Variants in STPG2 observed in about 807,000 individuals in gnomAD.
The protein encoded by STPG2 is sperm-tail PG-rich repeat-containing protein 2.
Under a neutral mutation model 54.2 loss-of-function variants are expected in STPG2, and 56 were observed. The observed-to-expected ratio is 1.03, with a 90% CI of 0.83 to 1.29. The LOEUF (loss-of-function observed/expected upper bound fraction) is 1.29. Ranked by LOEUF, STPG2 falls within the 50% of genes most tolerant of loss-of-function variation. The probability of loss-of-function intolerance (pLI) is 0.00; values close to 1 mark genes in which losing one functional copy is unlikely to be tolerated. For synonymous variants in STPG2, 200 were observed against 181.8 expected, an observed-to-expected ratio of 1.10 and a Z score of -0.81; for missense variants, 596 against 544.9, an observed-to-expected ratio of 1.09 and a Z score of -0.93.
At chr4:97,740,678 G>T (rs1043526623) in intron 9 of STPG2, among the ~76,000 whole-genome samples, 3 of 152,046 alleles carry the variant, frequency 2.0e-5, no homozygotes, top group Non-Finnish European at 4.4e-5. Context: ...CCTCTTCAAG[G>T]AGAACTACAA....
At chr4:97,625,144 T>C (rs1168799367) in intron 10 of STPG2, among the ~76,000 whole-genome samples, 1 of 152,210 alleles carries the variant, frequency 6.6e-6, no homozygotes, top group African/African-American at 2.4e-5. Context: ...GTCTGAGATA[T>C]TTTGTAATGG....
At chr4:97,906,729 T>G in intron 8 of STPG2, among the ~76,000 whole-genome samples, 1 of 151,886 alleles carries the variant, frequency 6.6e-6, no homozygotes, top group South Asian at 2.1e-4. Context: ...AATCAATAAA[T>G]GTAATCCAGC....
chr4:97,880,019 T>C (rs561790521), intron 8 of STPG2, among the ~76,000 whole-genome samples: 9 of 152,322 alleles, frequency 5.9e-5, no homozygotes, highest in Non-Finnish European at 1.0e-4. Context: ...TGCAGCATTA[T>C]TCACAATAGC....
intron 10 of STPG2, among the ~76,000 whole-genome samples, chr4:97,583,773 G>A (rs1426743727): frequency 1.3e-5 from 2 of 151,824 alleles, no homozygotes; most frequent in South Asian, 2.1e-4. Flanking sequence ...TGTTAAAAAA[G>A]ACACAGAGAA....
intron 8 of STPG2, among the ~76,000 whole-genome samples, chr4:97,909,487 CCTAACAAGGAAATTA>C: frequency 6.6e-6 from 1 of 152,054 alleles, no homozygotes; most frequent in South Asian, 2.1e-4. Context: ...GACATCAAAC[CCTAACAAGGAAATTA>C]CTAAAAAGGA....
chr4:97,880,639 T>C (rs1460855373), intron 8 of STPG2, among the ~76,000 whole-genome samples: 1 of 152,084 alleles, frequency 6.6e-6, no homozygotes, highest in Non-Finnish European at 1.5e-5. Context: ...ATATATGAGG[T>C]AGATAAAGAC....
intron 10 of STPG2, among the ~76,000 whole-genome samples, chr4:97,620,185 G>T (rs1211134923): frequency 6.6e-6 from 1 of 152,108 alleles, no homozygotes; most frequent in Non-Finnish European, 1.5e-5. Flanking sequence ...CTTCTTAAAG[G>T]TAGGTTCCGA....
intron 4 of STPG2, among the ~76,000 whole-genome samples, chr4:98,108,775 A>G (rs1739258817): frequency 6.6e-6 from 1 of 152,140 alleles, no homozygotes; most frequent in Non-Finnish European, 1.5e-5. Context: ...GATAAAATAG[A>G]TGTAACAATA....
rs111329325 is a variant in STPG2 at position 97,661,147 on chromosome 4, A to C, written c.1320+51552T>G. On this transcript the variant is annotated intron_variant, in intron 10 of 10. Transcript: ENST00000295268. Reference sequence around the variant, plus strand: ...CACTTATAGCCAGCACAAATACAGTAATGATTCCGTGGGTAATATAGAATC... The same window carrying C: ...CACTTATAGCCAGCACAAATACAGTCATGATTCCGTGGGTAATATAGAATC... Among the ~76,000 whole-genome samples the C allele has an allele frequency of 5.4e-3, 829 of 152,320 alleles. 6 individuals are homozygous for C. The highest frequency in any genetic ancestry group is 0.02 in the Middle Eastern group (6 of 294).
chr4:98,017,400 C>T (rs1162985305), intron 5 of STPG2, among the ~76,000 whole-genome samples: 1 of 152,174 alleles, frequency 6.6e-6, no homozygotes, highest in Non-Finnish European at 1.5e-5. Context: ...TTGTTGGGTA[C>T]ATCCTGGCAC....
chr4:98,023,348 G>A (rs552991339), intron 5 of STPG2, among the ~76,000 whole-genome samples: 12 of 152,244 alleles, frequency 7.9e-5, no homozygotes, highest in East Asian at 1.9e-4. Context: ...GTAGAACAGC[G>A]GATTTTCGTG....
chr4:98,064,080 T>C (rs910669964), intron 5 of STPG2, among the ~76,000 whole-genome samples: 1 of 152,144 alleles, frequency 6.6e-6, no homozygotes, highest in Non-Finnish European at 1.5e-5. Flanking sequence ...TAAAAATGAA[T>C]ATATTAAATT....
intron 9 of STPG2, among the ~76,000 whole-genome samples, chr4:97,830,636 C>A (rs1018788021): frequency 6.6e-6 from 1 of 152,010 alleles, no homozygotes; most frequent in Non-Finnish European, 1.5e-5. Flanking sequence ...ACCCATCTCA[C>A]GTGCAAAGAC....
chr4:97,579,626 T>G (rs1483119415), intron 10 of STPG2, among the ~76,000 whole-genome samples: 1 of 152,072 alleles, frequency 6.6e-6, no homozygotes, highest in Admixed American at 6.6e-5. Flanking sequence ...TTCTGCCACC[T>G]TTACAAAAGA....
intron 5 of STPG2, among the ~76,000 whole-genome samples, chr4:98,050,457 A>G (rs1282410885): frequency 2.0e-5 from 3 of 151,828 alleles, no homozygotes; most frequent in Middle Eastern, 3.2e-3. Context: ...TTTAAAAAAA[A>G]GGGGGTTCTG....
At chr4:98,106,160 C>T (rs1386500151) in intron 4 of STPG2, 96 bp from the exon 5 acceptor site, 2 of 859,576 alleles carry the variant, frequency 2.3e-6, no homozygotes, top group Non-Finnish European at 3.3e-6. Context: ...ACATGTCCTG[C>T]AATTAAACTA....
chr4:97,869,745 C>A (rs763332518), intron 8 of STPG2, among the ~76,000 whole-genome samples: 1 of 151,546 alleles, frequency 6.6e-6, no homozygotes, highest in African/African-American at 2.4e-5. Context: ...GCCCTGCCCT[C>A]CAAAAAGAAG....
At chr4:97,842,932 T>C (rs1054168062) in intron 8 of STPG2, among the ~76,000 whole-genome samples, 2 of 151,890 alleles carry the variant, frequency 1.3e-5, no homozygotes, top group African/African-American at 4.8e-5. Flanking sequence ...GAGATTAACA[T>C]TTCAAGTAAA....
chr4:98,063,099 T>A (rs62321569), intron 5 of STPG2, among the ~76,000 whole-genome samples: 59,916 of 151,850 alleles, frequency 0.39, 12,048 homozygotes, highest in Middle Eastern at 0.46. Context: ...CTTTTTAATA[T>A]CAAAAAATAC....
Sources: gnomAD v4.1 joint callset for allele counts (sites outside exome capture counted in the v4.1 genomes callset) on GRCh38, gnomAD v4.1.1 for gene constraint, MANE v1.5 for transcripts, NCBI Gene and HGNC (gene_info 2026-07-23, HGNC 2026-07-21) for gene names.